WDPCP: variants seen among roughly 807,000 people sequenced by gnomAD.
WDPCP encodes WD repeat-containing and planar cell polarity effector protein fritz homolog.
A neutral mutation model predicts 93.1 loss-of-function variants in WDPCP; 71 were observed. The observed-to-expected ratio is 0.76, with a 90% confidence interval of 0.63 to 0.93. The LOEUF (loss-of-function observed/expected upper bound fraction) is 0.93, where lower values mean the gene tolerates loss of function less well. WDPCP is among the 40% of genes least tolerant of loss of function. The pLI is 0.00. For synonymous variants in WDPCP, 315 were observed against 315.0 expected, an observed-to-expected ratio of 1.00 and a Z score of 0.00; for missense variants, 844 against 887.4, an observed-to-expected ratio of 0.95 and a Z score of 0.62.
In WDPCP at chr2:63,171,377, C is replaced by T. The variant is rs998033505; in HGVS notation, c.2078+3293G>A. Among the ~76,000 whole-genome samples, 4 of 152,064 alleles carry T rather than the reference C, an allele frequency of 2.6e-5. No individual in the cohort carries two copies. The East Asian group carries it at 5.8e-4, about 22-fold the overall frequency. On this transcript the variant is annotated intron_variant, in intron 15 of 17. Transcript: ENST00000272321. ...AATAACAAGACAACTAAAGAATGGA[C>T]AACAAATTTGAATAGCTATAACAAC...
chr2:63,355,009 GA>G (rs1689908922), intron 12 of WDPCP, among the ~76,000 whole-genome samples: 2 of 152,180 alleles, frequency 1.3e-5, no homozygotes, highest in African/African-American at 2.4e-5. Context: ...CAAACATGTG[GA>G]AAACATATTT....
chr2:63,527,113 T>C (rs1371530574), intron 1 of WDPCP, among the ~76,000 whole-genome samples: 1 of 152,174 alleles, frequency 6.6e-6, no homozygotes, highest in Non-Finnish European at 1.5e-5. Context: ...TAGAAGTCTC[T>C]CACATTCCTG....
intron 6 of WDPCP, among the ~76,000 whole-genome samples, chr2:63,478,480 T>A (rs1700089373): frequency 6.6e-6 from 1 of 152,152 alleles, no homozygotes; most frequent in African/African-American, 2.4e-5. Flanking sequence ...ACTGAAATTA[T>A]ATCAAGTACT....
chr2:63,498,873 G>A (rs1180427463), intron 1 of WDPCP, among the ~76,000 whole-genome samples: 1 of 152,206 alleles, frequency 6.6e-6, no homozygotes. Flanking sequence ...TTAACATGGA[G>A]GTATATGAGC....
chr2:63,543,597 T>C (rs903506789), intron 1 of WDPCP, among the ~76,000 whole-genome samples: 3 of 151,984 alleles, frequency 2.0e-5, no homozygotes, highest in African/African-American at 4.8e-5. Flanking sequence ...TTTCAACATA[T>C]AAATAAAACA....
chr2:63,617,714 C>T (rs1249418537), intron 3 of WDPCP, among the ~76,000 whole-genome samples: 1 of 152,144 alleles, frequency 6.6e-6, no homozygotes, highest in Non-Finnish European at 1.5e-5. Flanking sequence ...AATACCTTTA[C>T]TAATGAAAAT....
rs144574740 is a variant in WDPCP, at chr2:63,743,675, A to G, written n.308+69947T>C. Among the ~76,000 whole-genome samples the G allele has an allele frequency of 3.2e-3, 480 of 152,214 alleles. 1 individual carries two copies. Among genetic ancestry groups the G allele is most frequent in the African/African-American group, 0.011 (464 of 41,554 alleles). ...ATTTGAAAGGCCATGTGCACAGTTG[A>G]GCAACTTGATATCAAGTGATCTTAT... On this transcript the variant is annotated intron_variant and non_coding_transcript_variant, in intron 2 of 4. Transcript: ENST00000467687.
At chr2:63,653,767 C>A (rs1710134623) in intron 2 of WDPCP, among the ~76,000 whole-genome samples, 1 of 151,952 alleles carries the variant, frequency 6.6e-6, no homozygotes, top group African/African-American at 2.4e-5. Context: ...AAAAATTAGC[C>A]AGGTGTAATG....
chr2:63,645,578 T>A (rs979310149), intron 3 of WDPCP, among the ~76,000 whole-genome samples: 6 of 152,230 alleles, frequency 3.9e-5, no homozygotes, highest in Admixed American at 2.6e-4. Flanking sequence ...GTCTGGAAGA[T>A]CTGTCCAATG....
At chr2:63,189,315 C>T (rs1574834194) in intron 14 of WDPCP, among the ~76,000 whole-genome samples, 1 of 152,326 alleles carries the variant, frequency 6.6e-6, no homozygotes, top group East Asian at 1.9e-4. Context: ...TCTATTTCTT[C>T]TGTTCCAAGG....
rs1672021136 is a variant in WDPCP, at chr2:63,153,521, A to C, written c.2132T>G (p.Leu711Trp). 1 of 1,612,574 alleles carries C rather than the reference A, an allele frequency of 6.2e-7. No homozygotes were observed. Among genetic ancestry groups the C allele is most frequent in the Non-Finnish European group, 8.5e-7 (1 of 1,179,142 alleles). The change falls in exon 16 of 18, where the codon TTG (leucine) becomes TGG (tryptophan). Residue 711 changes from leucine to tryptophan, a missense_variant. Coordinates refer to ENST00000272321, the MANE Select transcript of WDPCP (RefSeq NM_015910.7). Reference protein sequence around the residue: ...ELEKDICSGFLMTNTCNAEDG... With the variant: ...ELEKDICSGFWMTNTCNAEDG... Reference sequence around the variant, plus strand: ...TTCTGCATTACAGGTATTAGTCATCAAAAATCCAGAACAGATGTCTTTTTC... The same window carrying C: ...TTCTGCATTACAGGTATTAGTCATCCAAAATCCAGAACAGATGTCTTTTTC...
chr2:63,128,895 T>C (rs567623833), intron 17 of WDPCP, among the ~76,000 whole-genome samples: 2 of 152,362 alleles, frequency 1.3e-5, no homozygotes, highest in African/African-American at 4.8e-5. Flanking sequence ...CTTGAACTCC[T>C]GACCTCAGGT....
intron 12 of WDPCP, among the ~76,000 whole-genome samples, chr2:63,318,902 G>A (rs764259934): frequency 7.9e-5 from 12 of 152,024 alleles, no homozygotes; most frequent in South Asian, 2.1e-4. Context: ...GTAACAAACC[G>A]GCTGATGTAC....
intron 2 of WDPCP, among the ~76,000 whole-genome samples, chr2:63,769,114 A>G (rs1433592205): frequency 6.6e-6 from 1 of 152,020 alleles, no homozygotes; most frequent in East Asian, 1.9e-4. Context: ...AATTCTCATG[A>G]AATGGCTACT....
rs545474723 is a variant in WDPCP, at chr2:63,416,334, C to A, written c.826-11677G>T. Among the ~76,000 whole-genome samples, 6 of 146,308 alleles carry A rather than the reference C, an allele frequency of 4.1e-5. No individual in the cohort carries two copies. The East Asian group carries it at 1.3e-3, about 31-fold the overall frequency. On this transcript the variant is annotated intron_variant, in intron 9 of 17. Transcript: ENST00000272321. ...CCTGCCTCAGCCTCCCGAGTAGCTG[C>A]GATTACAGGTGCACACCACCACACC...
chr2:63,533,051 G>T (rs1703986862), intron 1 of WDPCP, among the ~76,000 whole-genome samples: 1 of 152,132 alleles, frequency 6.6e-6, no homozygotes, highest in African/African-American at 2.4e-5. Flanking sequence ...AAAAGCAGGG[G>T]TTGCAATCCT....
chr2:63,218,879 C>T (rs1677575720), intron 14 of WDPCP, among the ~76,000 whole-genome samples: 1 of 152,074 alleles, frequency 6.6e-6, no homozygotes. Context: ...TAAAAATCTC[C>T]AATGAAGTTT....
At chr2:63,539,344 C>T (rs532902322) in intron 1 of WDPCP, among the ~76,000 whole-genome samples, 94 of 152,166 alleles carry the variant, frequency 6.2e-4, no homozygotes, top group Non-Finnish European at 1.0e-3. Context: ...TTTGCATTGC[C>T]AATGCTTCTG....
In WDPCP at chr2:63,545,289, ATGTG is replaced by A. The variant is rs35733507; in HGVS notation, c.75+42904_75+42907del. Among the ~76,000 whole-genome samples, 6 of 149,220 alleles carry A rather than the reference ATGTG, an allele frequency of 4.0e-5. No homozygotes were observed. In the East Asian group the frequency reaches 1.2e-3, roughly 30 times the overall value. ...CTAAGTGTTAAAGTGTGTGAGTAGA[ATGTG>A]TGTGTGTGTGTGCACGTGTATGTGT... On this transcript the variant is annotated intron_variant, in intron 1 of 17. Transcript: ENST00000272321.
Sources: gnomAD v4.1 joint callset for allele counts (sites outside exome capture counted in the v4.1 genomes callset) on GRCh38, gnomAD v4.1.1 for gene constraint, MANE v1.5 for transcripts, NCBI Gene and HGNC (gene_info 2026-07-23, HGNC 2026-07-21) for gene names.